Variants in PDGFD observed in about 807,000 individuals in gnomAD.
PDGFD encodes the protein platelet derived growth factor D, also known as platelet-derived growth factor D.
Under a neutral mutation model 44.7 loss-of-function variants are expected in PDGFD, and 30 were observed. The observed-to-expected ratio is 0.67, with a 90% CI of 0.50 to 0.91. PDGFD has a LOEUF of 0.91. PDGFD is among the 40% of genes least tolerant of loss of function. The pLI is 0.00. For missense variants in PDGFD, 445 were observed against 457.8 expected (o/e 0.97, Z 0.25); for synonymous variants, 173 against 168.4 (o/e 1.03, Z -0.21).
At chr11:104,069,108 C>A (rs1860836445) in intron 1 of PDGFD, among the ~76,000 whole-genome samples, 1 of 152,198 alleles carries the variant, frequency 6.6e-6, no homozygotes, top group Admixed American at 6.5e-5. Flanking sequence ...GCATTGTATT[C>A]ACAAGATGCA....
intron 1 of PDGFD, among the ~76,000 whole-genome samples, chr11:104,069,846 C>A (rs1430959243): frequency 6.6e-6 from 1 of 152,024 alleles, no homozygotes. Flanking sequence ...GGTGACAGAG[C>A]GAGACTCCGT....
intron 1 of PDGFD, among the ~76,000 whole-genome samples, chr11:104,006,289 G>T (rs1455784625): frequency 6.6e-6 from 1 of 152,132 alleles, no homozygotes; most frequent in Admixed American, 6.5e-5. Flanking sequence ...AAGTCTCCAA[G>T]GTGATTCTGA....
chr11:104,074,544 G>A (rs1027724539), intron 1 of PDGFD, among the ~76,000 whole-genome samples: 3 of 152,166 alleles, frequency 2.0e-5, no homozygotes, highest in African/African-American at 7.2e-5. Context: ...AAGAAAAGCA[G>A]GCATCAAGGC....
chr11:103,958,882 C>G (rs994939406), intron 3 of PDGFD, among the ~76,000 whole-genome samples: 3 of 152,140 alleles, frequency 2.0e-5, no homozygotes, highest in Non-Finnish European at 4.4e-5. Flanking sequence ...AATCCCTTAG[C>G]TAAAATCATT....
Position 104,032,227 on chromosome 11 carries a change from C to A in PDGFD, c.125-31972G>T, listed in dbSNP as rs770985306. ...AATGAATAAATAAATAAATAAATAA[C>A]TATCCAAAGAAATACATGTTATTTG... On this transcript the variant is annotated intron_variant, in intron 1 of 6. Coordinates refer to ENST00000393158, the MANE Select transcript of PDGFD (RefSeq NM_025208.5). Among the ~76,000 whole-genome samples the A allele has an allele frequency of 2.6e-5, 4 of 151,946 alleles. No homozygotes were observed. In the East Asian group the frequency reaches 7.8e-4, roughly 29 times the overall value.
At chr11:104,045,124 C>A (rs1241602028) in intron 1 of PDGFD, among the ~76,000 whole-genome samples, 1 of 152,102 alleles carries the variant, frequency 6.6e-6, no homozygotes, top group African/African-American at 2.4e-5. Context: ...TGGCTGGTCA[C>A]CATACTAGTG....
intron 1 of PDGFD, among the ~76,000 whole-genome samples, chr11:104,142,477 A>G (rs1227180913): frequency 6.6e-6 from 1 of 152,166 alleles, no homozygotes; most frequent in Non-Finnish European, 1.5e-5. Context: ...CATATCTATT[A>G]GAGATGATCT....
At chr11:103,950,974 G>A (rs998859013) in intron 3 of PDGFD, among the ~76,000 whole-genome samples, 10 of 152,088 alleles carry the variant, frequency 6.6e-5, no homozygotes, top group African/African-American at 2.4e-4. Flanking sequence ...AGCAGAAAGG[G>A]ACTTTGGTGC....
At chr11:104,138,590 G>A (rs1036336633) in intron 1 of PDGFD, among the ~76,000 whole-genome samples, 17 of 152,182 alleles carry the variant, frequency 1.1e-4, no homozygotes, top group African/African-American at 4.1e-4. Flanking sequence ...ATCTTGGATG[G>A]CCTGACTCTG....
intron 1 of PDGFD, among the ~76,000 whole-genome samples, chr11:104,002,338 T>C (rs1859632519): frequency 6.6e-6 from 1 of 152,130 alleles, no homozygotes; most frequent in Non-Finnish European, 1.5e-5. Flanking sequence ...GATGACTAGA[T>C]CATGGGGTGG....
chr11:104,144,663 A>G (rs1459995466), intron 1 of PDGFD, among the ~76,000 whole-genome samples: 1 of 152,178 alleles, frequency 6.6e-6, no homozygotes, highest in Non-Finnish European at 1.5e-5. Context: ...ATCTTACTGA[A>G]GCTGGCAATT....
chr11:103,961,079 C>A, intron 3 of PDGFD, among the ~76,000 whole-genome samples: 1 of 152,142 alleles, frequency 6.6e-6, no homozygotes, highest in East Asian at 1.9e-4. Context: ...TTGTGTCTCT[C>A]CATTAGGGTG....
intron 1 of PDGFD, among the ~76,000 whole-genome samples, chr11:104,143,360 G>A (rs557866255): frequency 6.6e-6 from 1 of 152,208 alleles, no homozygotes; most frequent in South Asian, 2.1e-4. Context: ...TGCTAGAGGG[G>A]ATCAAAAAAA....
At chr11:104,034,015 G>A (rs1338366957) in intron 1 of PDGFD, among the ~76,000 whole-genome samples, 1 of 152,036 alleles carries the variant, frequency 6.6e-6, no homozygotes, top group East Asian at 1.9e-4. Context: ...CCAGTTGAAA[G>A]CTCTAAGTCA....
At chr11:104,150,536 A>G (rs1862227888) in intron 1 of PDGFD, among the ~76,000 whole-genome samples, 1 of 152,210 alleles carries the variant, frequency 6.6e-6, no homozygotes, top group Non-Finnish European at 1.5e-5. Flanking sequence ...GCTTAAAACA[A>G]CACACATTAT....
At chr11:103,953,734 T>C (rs1395752307) in intron 3 of PDGFD, among the ~76,000 whole-genome samples, 1 of 152,222 alleles carries the variant, frequency 6.6e-6, no homozygotes, top group African/African-American at 2.4e-5. Flanking sequence ...ACATTTATGA[T>C]ATCATTTATT....
At chr11:104,008,422 C>G (rs1859735859) in intron 1 of PDGFD, among the ~76,000 whole-genome samples, 1 of 151,948 alleles carries the variant, frequency 6.6e-6, no homozygotes, top group Admixed American at 6.6e-5. Context: ...TAGTTGTATG[C>G]CATCATCTGA....
At chr11:104,031,014 G>T (rs956757967) in intron 1 of PDGFD, among the ~76,000 whole-genome samples, 1 of 152,148 alleles carries the variant, frequency 6.6e-6, no homozygotes, top group African/African-American at 2.4e-5. Flanking sequence ...AGCCTTAAAT[G>T]TAATACGCAA....
chr11:103,918,117 G>T (rs1455310825), intron 6 of PDGFD, among the ~76,000 whole-genome samples: 1 of 152,132 alleles, frequency 6.6e-6, no homozygotes, highest in Non-Finnish European at 1.5e-5. Context: ...GTTGGCAGGG[G>T]GTGGAGGAAG....
Sources: allele counts gnomAD v4.1 joint callset (sites outside exome capture counted in the v4.1 genomes callset), GRCh38; gene constraint gnomAD v4.1.1; transcripts MANE v1.5; gene names NCBI Gene and HGNC (gene_info 2026-07-23, HGNC 2026-07-21).